Variants in AK8 observed in about 807,000 individuals in gnomAD.
AK8 encodes the protein adenylate kinase 8, also known as ATP-AMP transphosphorylase 8.
Under a neutral mutation model 54.6 loss-of-function variants are expected in AK8, and 44 were observed. The ratio of observed to expected loss-of-function variants is 0.81; its 90% confidence interval spans 0.63 to 1.04. The LOEUF (loss-of-function observed/expected upper bound fraction) is 1.04. Among genes scored for constraint, AK8 ranks in the 50% least tolerant of loss-of-function variants. The pLI, the probability that AK8 is intolerant of heterozygous loss-of-function variation, is 0.00. For missense variants in AK8, 555 were observed against 613.6 expected, an observed-to-expected ratio of 0.90 and a Z score of 1.01; for synonymous variants, 239 against 245.6, an observed-to-expected ratio of 0.97 and a Z score of 0.25.
At chr9:132,789,597 CAAAAAAAA>C (rs578003731) in intron 11 of AK8, among the ~76,000 whole-genome samples, 15 of 57,552 alleles carry the variant, frequency 2.6e-4, no homozygotes, top group African/African-American at 7.0e-4. Context: ...ACTCATCTCA[CAAAAAAAA>C]AAAAAAAAAA....
At chr9:132,847,049 C>T (rs1385642530) in intron 5 of AK8, among the ~76,000 whole-genome samples, 1 of 152,214 alleles carries the variant, frequency 6.6e-6, no homozygotes, top group Non-Finnish European at 1.5e-5. Flanking sequence ...CTGCCTGGAT[C>T]CCAGAGACTT....
At position 132,863,767 on chromosome 9, in the gene AK8, G is replaced by A; in HGVS notation, c.231C>T (p.Leu77=). The part of the protein sequence containing the change: ...ASGKTTIAMW[L]CKHLNSSLLT... ...GGAGACTGCTGTTCAGATGTTTGCA[G>A]AGCCACATTGCCTGAAGAAAGGAAA... Residue 77 remains leucine, a synonymous_variant, in exon 4 of 13, where the codon CTC becomes CTT. Transcript: ENST00000298545. The A allele has an allele frequency of 6.2e-7, 1 of 1,612,484 alleles. No homozygotes were observed. The highest frequency in any genetic ancestry group is 8.5e-7 in the Non-Finnish European group (1 of 1,178,904).
chr9:132,761,604 A>G, intron 11 of AK8, among the ~76,000 whole-genome samples: 1 of 151,812 alleles, frequency 6.6e-6, no homozygotes, highest in East Asian at 1.9e-4. Context: ...TTTTTTTCCT[A>G]TGAATGTATC....
chr9:132,865,421 T>C (rs1289876083), intron 3 of AK8, among the ~76,000 whole-genome samples: 2 of 152,208 alleles, frequency 1.3e-5, no homozygotes, highest in South Asian at 2.1e-4. Context: ...ACAGCAATGA[T>C]GTGGTCACAG....
At chr9:132,782,638 A>G (rs1588125309) in intron 11 of AK8, among the ~76,000 whole-genome samples, 1 of 152,300 alleles carries the variant, frequency 6.6e-6, no homozygotes, top group Admixed American at 6.5e-5. Context: ...GTAGTGAGCC[A>G]AGATCGTGCC....
At chr9:132,776,617 C>T (rs951838872) in intron 11 of AK8, among the ~76,000 whole-genome samples, 27 of 152,202 alleles carry the variant, frequency 1.8e-4, no homozygotes, top group African/African-American at 5.6e-4. Context: ...GGGGCCGCCA[C>T]GCTGCAGGAT....
intron 10 of AK8, among the ~76,000 whole-genome samples, chr9:132,794,536 C>T (rs962746955): frequency 2.0e-5 from 3 of 152,202 alleles, no homozygotes; most frequent in Admixed American, 2.0e-4. Flanking sequence ...CCTCACTTGC[C>T]ACCCTTGTTA....
At chr9:132,732,425 C>T (rs1453041342) in intron 11 of AK8, among the ~76,000 whole-genome samples, 2 of 152,050 alleles carry the variant, frequency 1.3e-5, no homozygotes, top group African/African-American at 4.8e-5. Flanking sequence ...GGATTATGAC[C>T]GGTTCCTGAA....
At chr9:132,804,681 C>T (rs1379735195) in intron 10 of AK8, among the ~76,000 whole-genome samples, 3 of 152,206 alleles carry the variant, frequency 2.0e-5, no homozygotes, top group South Asian at 4.1e-4. Flanking sequence ...GCCCTTGTCA[C>T]CCAGAGCAGC....
chr9:132,727,304 C>T lies in AK8; in HGVS notation c.1202+150G>A, dbSNP rs547545224. Reference sequence around the variant, plus strand: ...GACGGTCAACAGATATTGCACAGAACAGCCAGTTGGATAAAGTCCATTTTG... The same window carrying T: ...GACGGTCAACAGATATTGCACAGAATAGCCAGTTGGATAAAGTCCATTTTG... On this transcript the variant is annotated intron_variant, in intron 12 of 12. Coordinates refer to ENST00000298545, the MANE Select transcript of AK8 (RefSeq NM_152572.3). 8.1e-6 allele frequency: 6 copies of T among 739,886 alleles called. No individual in the cohort carries two copies. In the East Asian group the frequency reaches 1.5e-4, roughly 19 times the overall value. 45.8% of individuals were successfully genotyped at this position (739,886 alleles called of 1,614,324 possible). A position where few individuals can be genotyped will look rare whatever the true frequency, so the allele number is the denominator to read the frequency against.
rs146102093 is a variant in AK8 at position 132,732,697 on chromosome 9, G to C, written c.1122-5163C>G. ...TAACTGAGAATGAAGTTCACGCCAC[G>C]AGAGCAGAAAGATGGTGAGAGACAT... is the stretch of plus-strand genomic sequence containing the variant. On this transcript the variant is annotated intron_variant, in intron 11 of 12. Coordinates refer to ENST00000298545, the MANE Select transcript of AK8 (RefSeq NM_152572.3). Among the ~76,000 whole-genome samples, 695 of 152,242 alleles carry C rather than the reference G, an allele frequency of 4.6e-3. 4 individuals carry two copies. The highest frequency in any genetic ancestry group is 0.016 in the African/African-American group (652 of 41,536).
intron 11 of AK8, among the ~76,000 whole-genome samples, chr9:132,740,112 C>G (rs1837300181): frequency 6.6e-6 from 1 of 152,212 alleles, no homozygotes; most frequent in Admixed American, 6.5e-5. Flanking sequence ...GCAGCTGGTG[C>G]AGCCCAGTTC....
chr9:132,814,222 T>G (rs1335607830), intron 10 of AK8, among the ~76,000 whole-genome samples: 2 of 134,036 alleles, frequency 1.5e-5, no homozygotes, highest in African/African-American at 2.9e-5. Context: ...GAGGCTGTAG[T>G]GAGCTGAGAC....
intron 11 of AK8, among the ~76,000 whole-genome samples, chr9:132,731,203 G>C (rs1307062527): frequency 1.3e-5 from 2 of 152,196 alleles, no homozygotes; most frequent in African/African-American, 4.8e-5. Context: ...CGAATTCCGA[G>C]TGATTTGTGT....
At chr9:132,756,669 C>T (rs954390) in intron 11 of AK8, among the ~76,000 whole-genome samples, 27,763 of 152,096 alleles carry the variant, frequency 0.18, 2,790 homozygotes, top group African/African-American at 0.24. Context: ...AGCAAGAGGG[C>T]GCTGGATTGT....
chr9:132,779,319 A>T (rs938763558), intron 11 of AK8, among the ~76,000 whole-genome samples: 3 of 152,146 alleles, frequency 2.0e-5, no homozygotes, highest in African/African-American at 7.2e-5. Context: ...TTATTTATTT[A>T]TGTATTTATT....
chr9:132,735,993 C>T (rs1470224147), intron 11 of AK8, among the ~76,000 whole-genome samples: 4 of 152,146 alleles, frequency 2.6e-5, no homozygotes, highest in East Asian at 1.9e-4. Context: ...AGCATGTTAC[C>T]GCACTGAATA....
intron 11 of AK8, among the ~76,000 whole-genome samples, chr9:132,783,303 G>C (rs1477982031): frequency 1.3e-5 from 2 of 152,130 alleles, no homozygotes; most frequent in Non-Finnish European, 2.9e-5. Context: ...GCAAGGAAAC[G>C]GATTTTGCCC....
intron 2 of AK8, among the ~76,000 whole-genome samples, chr9:132,873,170 C>T (rs375969185): frequency 6.6e-6 from 1 of 152,154 alleles, no homozygotes; most frequent in Admixed American, 6.5e-5. Flanking sequence ...CTGGCAAGCA[C>T]AATTTTTAAT....
Sources: gnomAD v4.1 joint callset for allele counts (sites outside exome capture counted in the v4.1 genomes callset) on GRCh38, gnomAD v4.1.1 for gene constraint, MANE v1.5 for transcripts, NCBI Gene and HGNC (gene_info 2026-07-23, HGNC 2026-07-21) for gene names.